Variants in PITPNM3 observed in about 807,000 individuals in gnomAD.
PITPNM3 encodes membrane-associated phosphatidylinositol transfer protein 3.
Under a neutral mutation model 102.0 loss-of-function variants are expected in PITPNM3, and 26 were observed. The ratio of observed to expected loss-of-function variants is 0.25; its 90% CI spans 0.19 to 0.35. The LOEUF (loss-of-function observed/expected upper bound fraction) is 0.35, where lower values mean the gene tolerates loss of function less well. Ranked by LOEUF, PITPNM3 falls within the 10% of genes least tolerant of loss-of-function variation. The pLI is 1.00. For synonymous variants in PITPNM3, 578 were observed against 558.6 expected (o/e 1.03, Z -0.49); for missense variants, 1,083 against 1,346.1 (o/e 0.80, Z 3.06).
At chr17:6,538,935 T>A (rs537576409) in intron 1 of PITPNM3, among the ~76,000 whole-genome samples, 1 of 152,302 alleles carries the variant, frequency 6.6e-6, no homozygotes, top group East Asian at 1.9e-4. Context: ...CCCTGCAGGA[T>A]GCTGGCACTG....
intron 5 of PITPNM3, 137 bp downstream of exon 5, chr17:6,484,079 G>A: frequency 1.0e-6 from 1 of 988,998 alleles, no homozygotes; most frequent in South Asian, 1.3e-5. Flanking sequence ...GCCCAGAGAA[G>A]GACACAGACC....
At chr17:6,515,946 T>G (rs1245773321) in intron 3 of PITPNM3, among the ~76,000 whole-genome samples, 1 of 152,126 alleles carries the variant, frequency 6.6e-6, no homozygotes, top group African/African-American at 2.4e-5. Context: ...TTTGAGAGGC[T>G]GAGGCCGGAG....
chr17:6,548,848 G>A (rs895540470), intron 1 of PITPNM3, among the ~76,000 whole-genome samples: 6 of 152,082 alleles, frequency 3.9e-5, no homozygotes, highest in African/African-American at 1.4e-4. Flanking sequence ...AGAACTCAAC[G>A]CCCCTCCCAG....
chr17:6,544,654 T>TCTCTCTCTCTCTCTCTCTCTCACACA (rs376230474), intron 1 of PITPNM3, among the ~76,000 whole-genome samples: 1 of 130,206 alleles, frequency 7.7e-6, no homozygotes, highest in African/African-American at 3.1e-5. Flanking sequence ...TCTCTCTCTC[T>TCTCTCTCTCTCTCTCTCTCTCACACA]CACACACACA....
Position 6,555,320 on chromosome 17 carries a change from C to A in PITPNM3, c.22+1065G>T, listed in dbSNP as rs1015522127. 5.9e-5 allele frequency among the ~76,000 whole-genome samples: 9 copies of A among 152,334 alleles called. No individual in the cohort carries two copies. In the East Asian group the frequency reaches 9.7e-4, roughly 16 times the overall value. On this transcript the variant is annotated intron_variant, in intron 1 of 19. Transcript: ENST00000262483. ...GAGACGGGTCCGCAGCCCAGGGTCC[C>A]GGGCAGCTTTCGGGCTTGGGGGTGG... is the stretch of plus-strand genomic sequence containing the variant.
intron 3 of PITPNM3, among the ~76,000 whole-genome samples, chr17:6,507,035 A>G (rs1237803689): frequency 6.6e-6 from 1 of 152,140 alleles, no homozygotes; most frequent in Admixed American, 6.5e-5. Flanking sequence ...CCTCGCCCCA[A>G]GACATGGTGG....
At chr17:6,525,872 CCA>C (rs1908806563) in intron 2 of PITPNM3, among the ~76,000 whole-genome samples, 1 of 152,128 alleles carries the variant, frequency 6.6e-6, no homozygotes, top group Non-Finnish European at 1.5e-5. Flanking sequence ...ATGGATCTGG[CCA>C]CAGAGGTGTT....
chr17:6,550,003 C>T (rs1048296492), intron 1 of PITPNM3, among the ~76,000 whole-genome samples: 2 of 152,314 alleles, frequency 1.3e-5, no homozygotes, highest in South Asian at 2.1e-4. Context: ...CACAGTAAAA[C>T]CCACAGCCAG....
rs548336013 is a variant in PITPNM3, at chr17:6,488,930, G to GT, written c.275-4639dup. On this transcript the variant is annotated intron_variant, in intron 4 of 19. Transcript: ENST00000262483. ...AGCCCACAGCTGTTTTTGTGACAGT[G>GT]TTTTTTGACAGGCTTTGAGACAGGC... Among the ~76,000 whole-genome samples, 13 of 152,324 alleles carry GT rather than the reference G, an allele frequency of 8.5e-5. No individual in the cohort carries two copies. The South Asian group carries it at 2.1e-3, about 24-fold the overall frequency.
chr17:6,538,641 C>T (rs934435384), intron 1 of PITPNM3, among the ~76,000 whole-genome samples: 1 of 152,220 alleles, frequency 6.6e-6, no homozygotes. Flanking sequence ...TTCACTGGCC[C>T]TGACTACCAG....
intron 1 of PITPNM3, 120 bp from the exon 2 acceptor site, chr17:6,538,202 C>A: frequency 1.3e-6 from 1 of 743,988 alleles, no homozygotes; most frequent in South Asian, 1.5e-5. Context: ...TGCCCTCTCC[C>A]TCCGAGGCCT....
intron 4 of PITPNM3, among the ~76,000 whole-genome samples, chr17:6,499,627 C>T (rs887469888): frequency 6.6e-6 from 1 of 152,230 alleles, no homozygotes; most frequent in African/African-American, 2.4e-5. Flanking sequence ...CCAGCCTGTG[C>T]GGATCCTAGT....
intron 3 of PITPNM3, among the ~76,000 whole-genome samples, chr17:6,515,832 A>T (rs576891094): frequency 6.6e-6 from 1 of 152,338 alleles, no homozygotes; most frequent in Admixed American, 6.5e-5. Flanking sequence ...AATCAAAAGA[A>T]TCAATCAGAG....
chr17:6,494,638 T>G (rs1226164141), intron 4 of PITPNM3, among the ~76,000 whole-genome samples: 1 of 152,188 alleles, frequency 6.6e-6, no homozygotes, highest in Non-Finnish European at 1.5e-5. Flanking sequence ...TTTTTCCACC[T>G]GTCAGACTGG....
At chr17:6,467,076 A>C (rs1299348191) in intron 14 of PITPNM3, among the ~76,000 whole-genome samples, 1 of 41,418 alleles carries the variant, frequency 2.4e-5, no homozygotes, top group East Asian at 5.3e-4. Context: ...ACAAAAAAAA[A>C]AAACCAAAAA....
chr17:6,541,700 C>A (rs1909741859), intron 1 of PITPNM3, among the ~76,000 whole-genome samples: 1 of 152,074 alleles, frequency 6.6e-6, no homozygotes, highest in East Asian at 1.9e-4. Flanking sequence ...TCCTGAGAGT[C>A]ACAGCAGGTG....
At position 6,472,884 on chromosome 17, in the gene PITPNM3, C is replaced by G; in HGVS notation, c.1259-57G>C. 1 of 1,592,846 alleles carries G rather than the reference C, an allele frequency of 6.3e-7. No homozygotes were observed. Among genetic ancestry groups the G allele is most frequent in the East Asian group, 2.3e-5 (1 of 44,104 alleles). ...CTTTCTAGTACCTGCTCCCTGGGCC[C>G]TAGGAGGCTCCCTGGAATGCAGCCT... is the stretch of plus-strand genomic sequence containing the variant. On this transcript the variant is annotated intron_variant, in intron 10 of 19. Transcript: ENST00000262483. The surrounding 1 kb of genome is among the most constrained non-coding windows in gnomAD (Gnocchi z 4.1).
In PITPNM3 at chr17:6,472,978, G is replaced by C; in HGVS notation, c.1259-151C>G. 1.0e-6 allele frequency: 1 copy of C among 981,818 alleles called. No homozygotes were observed. The highest frequency in any genetic ancestry group is 1.5e-6 in the Non-Finnish European group (1 of 646,864). 60.8% of individuals were successfully genotyped at this position (981,818 alleles called of 1,614,324 possible). On this transcript the variant is annotated intron_variant, in intron 10 of 19. Transcript: ENST00000262483. This position sits in a 1 kb window ranked among gnomAD's most constrained non-coding sequence, Gnocchi z 4.1. Reference sequence around the variant, plus strand: ...CTCCCCACGGGAACAAAGCCATTACGTTCAGTTTGTCTCCCCACCCAGGAG... The same window carrying C: ...CTCCCCACGGGAACAAAGCCATTACCTTCAGTTTGTCTCCCCACCCAGGAG...
intron 3 of PITPNM3, among the ~76,000 whole-genome samples, chr17:6,514,398 A>G (rs1351318463): frequency 6.6e-6 from 1 of 152,204 alleles, no homozygotes; most frequent in Non-Finnish European, 1.5e-5. Flanking sequence ...AAGAACTCTT[A>G]CAACTCAACA....
Sources: allele counts gnomAD v4.1 joint callset (sites outside exome capture counted in the v4.1 genomes callset), GRCh38; gene constraint gnomAD v4.1.1; non-coding constraint Gnocchi (gnomAD v3.1); transcripts MANE v1.5; gene names NCBI Gene and HGNC (gene_info 2026-07-23, HGNC 2026-07-21).